The following RAI1 variants were observed in gnomAD, a reference collection of about 807,000 sequenced individuals.
RAI1 encodes the protein retinoic acid induced 1.
RAI1 carries 9 observed loss-of-function variants against 123.8 expected under a neutral mutation model. That is an observed-to-expected ratio of 0.07 (90% confidence interval 0.04 to 0.13). RAI1 has a LOEUF of 0.13. Ranked by LOEUF, RAI1 falls within the 10% of genes least tolerant of loss-of-function variation. The pLI, the probability that RAI1 is intolerant of heterozygous loss-of-function variation, is 1.00. For missense variants in RAI1, 2,256 were observed against 2,545.8 expected (o/e 0.89, Z 2.45); for synonymous variants, 1,231 against 1,127.3 (o/e 1.09, Z -1.84).
intron 2 of RAI1, among the ~76,000 whole-genome samples, chr17:17,771,958 G>C (rs1444033268): frequency 1.3e-5 from 2 of 152,228 alleles, no homozygotes; most frequent in African/African-American, 4.8e-5. Flanking sequence ...GGCTGGCACA[G>C]GCATTAACTG....
At chr17:17,751,834 C>G (rs193298612) in intron 2 of RAI1, among the ~76,000 whole-genome samples, 39 of 152,310 alleles carry the variant, frequency 2.6e-4, no homozygotes, top group South Asian at 6.2e-4. Flanking sequence ...GAATGTTTCC[C>G]CCAGAGCACT....
chr17:17,741,803 G>C (rs1378188463), intron 2 of RAI1, among the ~76,000 whole-genome samples: 2 of 152,284 alleles, frequency 1.3e-5, no homozygotes, highest in African/African-American at 4.8e-5. Flanking sequence ...CCCACATCCA[G>C]GGTGCTGGGC....
chr17:17,725,134 C>T (rs1598037030), intron 2 of RAI1, among the ~76,000 whole-genome samples: 1 of 74,756 alleles, frequency 1.3e-5, no homozygotes, highest in Non-Finnish European at 2.8e-5. Flanking sequence ...AGGGAGGGGG[C>T]TGGGGGGTGG....
chr17:17,760,818 G>A (rs1290159718), intron 2 of RAI1, among the ~76,000 whole-genome samples: 3 of 151,912 alleles, frequency 2.0e-5, no homozygotes, highest in Admixed American at 6.6e-5. Context: ...GCCAAGAAAG[G>A]CTTCAGGAAG....
intron 3 of RAI1, among the ~76,000 whole-genome samples, chr17:17,802,526 C>T (rs567402143): frequency 1.3e-5 from 2 of 152,338 alleles, no homozygotes; most frequent in Admixed American, 6.5e-5. Context: ...CCTGTAATCC[C>T]AGCACTTTGG....
rs143864483 is a variant in RAI1 at position 17,798,176 on chromosome 17, C to T, written c.5228C>T (p.Pro1743Leu). The change falls in exon 3 of 6, where the codon CCC (proline) becomes CTC (leucine). Residue 1743 changes from proline (P) to leucine (L), a missense_variant. By Grantham distance (98) the Pro-to-Leu change is moderately conservative. Coordinates refer to ENST00000353383, the MANE Select transcript of RAI1 (RefSeq NM_030665.4). ...CCGCTTGAGAGAACACTCAAAGGTC[C>T]CGAGTGTGCAGCTGCCGCCACTGCC... ...SLPLERTLKG[P>L]ECAAAATAGK... The T allele has an allele frequency of 2.5e-6, 4 of 1,612,880 alleles. No individual in the cohort carries two copies. The highest frequency in any genetic ancestry group is 2.5e-6 in the Non-Finnish European group (3 of 1,179,922).
rs1385258399 is a variant in RAI1, at chr17:17,799,683, G to T, written c.5565+1170G>T. Among the ~76,000 whole-genome samples, 2 of 152,170 alleles carry T rather than the reference G, an allele frequency of 1.3e-5. No homozygotes were observed. The highest frequency in any genetic ancestry group is 4.1e-4 in the South Asian group (2 of 4,830). On this transcript the variant is annotated intron_variant, in intron 3 of 5. Transcript: ENST00000353383. This position sits in a 1 kb window ranked among gnomAD's most constrained non-coding sequence, Gnocchi z 4.5. ...AGGGGAGCCAGAGGGGCTTGGCAGG[G>T]GTCTCCAGAGGCCCTGGACAAACAC... is the stretch of plus-strand genomic sequence containing the variant.
Position 17,810,371 on chromosome 17 carries a change from T to G in RAI1, c.*390T>G. ...GAATCTCAAGACGACGTGGCACACA[T>G]TCCACGTGGGTGCTGCCGCCACCCC... On this transcript the variant is annotated 3_prime_UTR_variant, in exon 6 of 6. Coordinates refer to ENST00000353383, the MANE Select transcript of RAI1 (RefSeq NM_030665.4). This position sits in a 1 kb window ranked among gnomAD's most constrained non-coding sequence, Gnocchi z 4.6. 3.7e-5 allele frequency: 10 copies of G among 273,738 alleles called. No homozygotes were observed. Among genetic ancestry groups the G allele is most frequent in the South Asian group, 5.0e-5 (1 of 20,056 alleles). The allele number at this position is 273,738 out of a possible 1,614,324, so 17.0% of individuals were successfully genotyped here.
At position 17,698,425 on chromosome 17, in the gene RAI1, CCTGGCCCAGTA is replaced by C. The variant is rs1231014587; in HGVS notation, c.-149+16633_-149+16643del. ...TCTCTGTCCCCCATCTAGGCCCAGC[CCTGGCCCAGTA>C]GTCAGGAAAGCGGCAGACAACCCTG... On this transcript the variant is annotated intron_variant, in intron 1 of 5. Transcript: ENST00000353383. Among the ~76,000 whole-genome samples the C allele has an allele frequency of 2.0e-5, 3 of 152,222 alleles. No individual in the cohort carries two copies. In the East Asian group the frequency reaches 5.8e-4, roughly 29 times the overall value.
intron 2 of RAI1, among the ~76,000 whole-genome samples, chr17:17,781,657 C>G (rs1405281787): frequency 6.6e-6 from 1 of 152,176 alleles, no homozygotes; most frequent in Non-Finnish European, 1.5e-5. Context: ...AAACTGCCTT[C>G]GGGGAGTCCC....
At chr17:17,722,962 C>T (rs1008676628) in intron 1 of RAI1, among the ~76,000 whole-genome samples, 2 of 152,186 alleles carry the variant, frequency 1.3e-5, no homozygotes, top group Non-Finnish European at 2.9e-5. Context: ...GACTAACCCC[C>T]ACCCGCCAGG....
At chr17:17,704,873 C>T (rs1181202799) in intron 1 of RAI1, among the ~76,000 whole-genome samples, 2 of 125,368 alleles carry the variant, frequency 1.6e-5, no homozygotes, top group Non-Finnish European at 3.5e-5. Flanking sequence ...GTGGGGGGGC[C>T]GGGGGAGGGT....
intron 2 of RAI1, among the ~76,000 whole-genome samples, chr17:17,774,069 T>C (rs1309988307): frequency 2.6e-5 from 4 of 152,242 alleles, no homozygotes. Context: ...AACCTCTCTG[T>C]GCCTCTGCTG....
chr17:17,773,033 G>A (rs2031214292), intron 2 of RAI1, among the ~76,000 whole-genome samples: 1 of 138,572 alleles, frequency 7.2e-6, no homozygotes, highest in African/African-American at 2.7e-5. Flanking sequence ...ATGGGTGTGT[G>A]TGCATGGATG....
At chr17:17,748,815 A>G (rs567514639) in intron 2 of RAI1, among the ~76,000 whole-genome samples, 13 of 152,298 alleles carry the variant, frequency 8.5e-5, no homozygotes, top group African/African-American at 3.1e-4. Context: ...CTCAGGGGCC[A>G]TGACAGGTAT....
In RAI1 at chr17:17,794,627, C is replaced by A. The variant is rs1319937235; in HGVS notation, c.1679C>A (p.Ser560Tyr). The change falls in exon 3 of 6, where the codon TCT becomes TAT. Residue 560 changes from serine to tyrosine, a missense_variant. By Grantham distance (144) the Ser-to-Tyr change is moderately radical (BLOSUM62 -2). Coordinates refer to ENST00000353383, the MANE Select transcript of RAI1 (RefSeq NM_030665.4). ...TCCGTGTCCACCTGTTCTGTGACCT[C>A]TCCTGACGACATGTCCACCAAATCT... ...PESVSTCSVT[S>Y]PDDMSTKSDD... The A allele has an allele frequency of 6.2e-7, 1 of 1,613,156 alleles. No individual in the cohort carries two copies. Among genetic ancestry groups the A allele is most frequent in the South Asian group, 1.1e-5 (1 of 91,086 alleles).
chr17:17,682,223 G>A (rs1914450099), intron 1 of RAI1, among the ~76,000 whole-genome samples: 1 of 152,058 alleles, frequency 6.6e-6, no homozygotes, highest in South Asian at 2.1e-4. Context: ...CGAGGTGGGG[G>A]ACGGGGAGCT....
intron 4 of RAI1, among the ~76,000 whole-genome samples, chr17:17,807,657 G>T (rs2032620799): frequency 6.6e-6 from 1 of 152,226 alleles, no homozygotes; most frequent in Admixed American, 6.5e-5. Context: ...GCCCCATGTG[G>T]GGTGGTGCTG....
intron 2 of RAI1, among the ~76,000 whole-genome samples, chr17:17,743,275 C>T (rs1477615445): frequency 1.3e-5 from 2 of 152,190 alleles, no homozygotes; most frequent in African/African-American, 4.8e-5. Flanking sequence ...GGGCTCACAC[C>T]CCAGCCCCAG....
Sources: gnomAD v4.1 joint callset for allele counts (sites outside exome capture counted in the v4.1 genomes callset) on GRCh38, gnomAD v4.1.1 for gene constraint, Gnocchi (gnomAD v3.1) non-coding constraint, MANE v1.5 for transcripts, NCBI Gene and HGNC (gene_info 2026-07-23, HGNC 2026-07-21) for gene names.